UCK2: variants seen among roughly 807,000 people sequenced by gnomAD.
UCK2 encodes the protein cytidine monophosphokinase 2.
UCK2 carries 6 observed loss-of-function variants against 30.8 expected under a neutral mutation model. The observed-to-expected ratio is 0.19, with a 90% CI of 0.11 to 0.38. The LOEUF (loss-of-function observed/expected upper bound fraction) is 0.38, where lower values mean the gene tolerates loss of function less well. Among genes scored for constraint, UCK2 ranks in the 10% least tolerant of loss-of-function variants. The pLI is 1.00. For missense variants in UCK2, 210 were observed against 339.8 expected (o/e 0.62, Z 3.00); for synonymous variants, 125 against 133.6 (o/e 0.94, Z 0.45).
chr1:165,856,040 T>C (rs1041368990), intron 1 of UCK2, among the ~76,000 whole-genome samples: 1 of 152,194 alleles, frequency 6.6e-6, no homozygotes, highest in Admixed American at 6.5e-5. Context: ...TATGAAAATA[T>C]ATATAAACCA....
At chr1:165,843,281 T>C (rs1344152167) in intron 1 of UCK2, among the ~76,000 whole-genome samples, 1 of 152,218 alleles carries the variant, frequency 6.6e-6, no homozygotes, top group Non-Finnish European at 1.5e-5. Flanking sequence ...TCTGGGTCTT[T>C]TTTGTTTCTC....
chr1:165,883,399 G>A (rs749915674), intron 1 of UCK2, among the ~76,000 whole-genome samples: 23 of 152,094 alleles, frequency 1.5e-4, no homozygotes, highest in Non-Finnish European at 2.9e-4. Context: ...AAGATGTTAC[G>A]ACTTCAAAAA....
intron 1 of UCK2, among the ~76,000 whole-genome samples, chr1:165,866,638 T>C (rs563010950): frequency 6.6e-6 from 1 of 152,356 alleles, no homozygotes; most frequent in East Asian, 1.9e-4. Flanking sequence ...TCATCTTCTC[T>C]AACTTAAACT....
intron 1 of UCK2, 96 bp from the exon 2 acceptor site, chr1:165,890,108 T>A: frequency 7.2e-7 from 1 of 1,391,192 alleles, no homozygotes; most frequent in Non-Finnish European, 1.0e-6. Flanking sequence ...GAGCCCCTTC[T>A]TGGAAGGTGT....
At chr1:165,891,180 C>G in intron 2 of UCK2, 46 bp from the exon 3 acceptor site, 5 of 1,533,376 alleles carry the variant, frequency 3.3e-6, no homozygotes, top group Non-Finnish European at 4.5e-6. Context: ...TATAGGAGAT[C>G]CTATTTTAAA....
chr1:165,874,166 T>G (rs1246942026), intron 1 of UCK2, among the ~76,000 whole-genome samples: 1 of 152,206 alleles, frequency 6.6e-6, no homozygotes, highest in Admixed American at 6.5e-5. Flanking sequence ...AGATGGGAAC[T>G]TGATGCTGCC....
At chr1:165,876,260 C>G (rs1655332064) in intron 1 of UCK2, among the ~76,000 whole-genome samples, 1 of 152,208 alleles carries the variant, frequency 6.6e-6, no homozygotes, top group Admixed American at 6.5e-5. Flanking sequence ...GTAATTGCTA[C>G]TCATTTTGAA....
rs751683477 is a variant in UCK2 at position 165,841,431 on chromosome 1, C to T, written c.99+13499C>T. 3.3e-5 allele frequency among the ~76,000 whole-genome samples: 5 copies of T among 152,122 alleles called. No individual in the cohort carries two copies. In the East Asian group the frequency reaches 9.7e-4, roughly 29 times the overall value. On this transcript the variant is annotated intron_variant, in intron 1 of 6. Transcript: ENST00000367879. ...ACTCCTGACCTCAGGTGATCCACCC[C>T]CAATCAGCCTCCCAAAGTGCTGGGG...
At chr1:165,840,959 G>GT (rs1654314214) in intron 1 of UCK2, among the ~76,000 whole-genome samples, 1 of 152,082 alleles carries the variant, frequency 6.6e-6, no homozygotes, top group African/African-American at 2.4e-5. Context: ...CAGCACCACA[G>GT]AAAGCCCTCC....
chr1:165,836,159 C>G (rs1226421295), intron 1 of UCK2, among the ~76,000 whole-genome samples: 1 of 151,902 alleles, frequency 6.6e-6, no homozygotes, highest in East Asian at 1.9e-4. Context: ...ACCCAGGAAG[C>G]AGAGGTTGCA....
intron 1 of UCK2, among the ~76,000 whole-genome samples, chr1:165,848,744 A>G (rs1430166800): frequency 1.3e-5 from 2 of 152,092 alleles, no homozygotes; most frequent in African/African-American, 4.8e-5. Flanking sequence ...ATGACCTGTT[A>G]TCTGTGTCAG....
chr1:165,902,051 C>T (rs1255673986), intron 4 of UCK2, among the ~76,000 whole-genome samples: 3 of 151,256 alleles, frequency 2.0e-5, no homozygotes, highest in East Asian at 1.9e-4. Context: ...CTGGCTAACA[C>T]GGTGAAACCC....
intron 1 of UCK2, among the ~76,000 whole-genome samples, chr1:165,840,313 T>C (rs547136763): frequency 6.6e-6 from 1 of 152,274 alleles, no homozygotes; most frequent in Non-Finnish European, 1.5e-5. Context: ...TGTTTTAATG[T>C]ATGTATACAT....
At chr1:165,904,583 G>A (rs1196142016) in intron 5 of UCK2, among the ~76,000 whole-genome samples, 1 of 152,226 alleles carries the variant, frequency 6.6e-6, no homozygotes, top group African/African-American at 2.4e-5. Context: ...TAAAAATTCT[G>A]CAGACGTTTT....
At chr1:165,837,435 C>T (rs144070945) in intron 1 of UCK2, among the ~76,000 whole-genome samples, 33 of 152,284 alleles carry the variant, frequency 2.2e-4, no homozygotes, top group African/African-American at 7.5e-4. Flanking sequence ...CATCCCCTGC[C>T]GTTTGCTAAC....
At chr1:165,900,877 C>T (rs1006152329) in intron 4 of UCK2, among the ~76,000 whole-genome samples, 3 of 152,240 alleles carry the variant, frequency 2.0e-5, no homozygotes, top group African/African-American at 7.2e-5. Flanking sequence ...TAAGTAAAAG[C>T]TGCCCAAGCA....
chr1:165,874,696 AT>A (rs11410048), intron 1 of UCK2, among the ~76,000 whole-genome samples: 6 of 150,076 alleles, frequency 4.0e-5, no homozygotes, highest in East Asian at 2.0e-4. Flanking sequence ...AAACAGGAAG[AT>A]TTTTTTTTTA....
chr1:165,861,497 G>A (rs1180193876), intron 1 of UCK2, among the ~76,000 whole-genome samples: 2 of 149,262 alleles, frequency 1.3e-5, no homozygotes, highest in African/African-American at 2.5e-5. Context: ...GCGTAGTGGC[G>A]GGCGCCTGTA....
At chr1:165,868,794 G>T (rs1160408952) in intron 1 of UCK2, among the ~76,000 whole-genome samples, 1 of 152,212 alleles carries the variant, frequency 6.6e-6, no homozygotes, top group Non-Finnish European at 1.5e-5. Flanking sequence ...GTGTTCACTG[G>T]AGTGGTACTT....
Sources: allele counts gnomAD v4.1 joint callset (sites outside exome capture counted in the v4.1 genomes callset), GRCh38; gene constraint gnomAD v4.1.1; transcripts MANE v1.5; gene names NCBI Gene and HGNC (gene_info 2026-07-23, HGNC 2026-07-21).